The following KIF1B variants were observed in gnomAD, a reference collection of about 807,000 sequenced individuals.
The protein encoded by KIF1B is kinesin family member 1B.
In KIF1B, 76 loss-of-function variants were observed where a neutral mutation model predicts 241.9. That is an observed-to-expected ratio of 0.31 (90% CI 0.26 to 0.38). The LOEUF is 0.38. Among genes scored for constraint, KIF1B ranks in the 10% least tolerant of loss-of-function variants. The pLI is 1.00. For missense variants in KIF1B, 1,622 were observed against 2,271.4 expected (o/e 0.71, Z 5.81); for synonymous variants, 750 against 796.7 (o/e 0.94, Z 0.99).
intron 7 of KIF1B, among the ~76,000 whole-genome samples, chr1:10,269,291 G>A (rs1384172284): frequency 6.6e-6 from 1 of 152,132 alleles, no homozygotes; most frequent in South Asian, 2.1e-4. Flanking sequence ...AAGGCAGACA[G>A]ATCAAGAGGT....
At chr1:10,249,425 A>G (rs1179537060) in intron 2 of KIF1B, among the ~76,000 whole-genome samples, 1 of 152,114 alleles carries the variant, frequency 6.6e-6, no homozygotes, top group Non-Finnish European at 1.5e-5. Flanking sequence ...TGAAAATGGA[A>G]TTTAATCAGA....
intron 22 of KIF1B, among the ~76,000 whole-genome samples, chr1:10,310,639 A>C (rs2102281338): frequency 6.7e-6 from 1 of 148,586 alleles, no homozygotes; most frequent in Admixed American, 6.6e-5. Context: ...ATTTATCTAA[A>C]AGATCAGTAT....
intron 11 of KIF1B, 29 bp downstream of exon 11, chr1:10,275,532 A>G: frequency 8.3e-7 from 1 of 1,206,874 alleles, no homozygotes; most frequent in Non-Finnish European, 1.2e-6. Flanking sequence ...AAAAGTAGTT[A>G]TCTTTTTAAC....
intron 22 of KIF1B, among the ~76,000 whole-genome samples, chr1:10,300,264 T>TAATAA (rs1351664321): frequency 4.7e-5 from 7 of 148,570 alleles, no homozygotes; most frequent in Non-Finnish European, 8.9e-5. Context: ...ATAATAATAA[T>TAATAA]AATATAGATA....
At chr1:10,235,221 C>T (rs1239975879) in intron 2 of KIF1B, among the ~76,000 whole-genome samples, 3 of 151,882 alleles carry the variant, frequency 2.0e-5, no homozygotes, top group Admixed American at 6.6e-5. Context: ...AAAAAGTGAT[C>T]GAAGTGTTAA....
intron 38 of KIF1B, among the ~76,000 whole-genome samples, chr1:10,358,572 C>A (rs752508146): frequency 5.9e-5 from 9 of 151,588 alleles, no homozygotes; most frequent in Admixed American, 5.3e-4. Flanking sequence ...AAAGAGCAGA[C>A]CTCTGGAGGC....
chr1:10,235,676 C>T (rs1327430615), intron 2 of KIF1B, among the ~76,000 whole-genome samples: 2 of 151,812 alleles, frequency 1.3e-5, no homozygotes, highest in African/African-American at 4.8e-5. Context: ...GCCTGACCAA[C>T]ATGATGAAAC....
chr1:10,309,512 G>A (rs1650978964), intron 22 of KIF1B, among the ~76,000 whole-genome samples: 1 of 148,354 alleles, frequency 6.7e-6, no homozygotes, highest in Non-Finnish European at 1.5e-5. Context: ...TTTCCTTCCA[G>A]CTATTGCTTG....
intron 4 of KIF1B, among the ~76,000 whole-genome samples, chr1:10,260,062 C>T (rs1447239249): frequency 6.6e-6 from 1 of 152,050 alleles, no homozygotes; most frequent in African/African-American, 2.4e-5. Context: ...CATCATTAGT[C>T]GTTAGGTGCT....
At chr1:10,319,008 T>A (rs1038272817) in intron 22 of KIF1B, among the ~76,000 whole-genome samples, 4 of 152,094 alleles carry the variant, frequency 2.6e-5, no homozygotes, top group Non-Finnish European at 4.4e-5. Context: ...CTGAGAACCA[T>A]TTTTTGGCCC....
intron 22 of KIF1B, among the ~76,000 whole-genome samples, chr1:10,311,592 C>G (rs1651069033): frequency 1.3e-5 from 2 of 151,382 alleles, no homozygotes; most frequent in African/African-American, 4.9e-5. Flanking sequence ...CCCTCACCAC[C>G]AAAGCTGCTC....
intron 2 of KIF1B, among the ~76,000 whole-genome samples, chr1:10,254,793 C>T (rs1048259723): frequency 6.4e-5 from 9 of 140,150 alleles, no homozygotes; most frequent in African/African-American, 2.1e-4. Flanking sequence ...AGGAGAATGG[C>T]GTGAACCTGG....
chr1:10,226,514 G>A (rs1160936883), intron 1 of KIF1B, among the ~76,000 whole-genome samples: 1 of 152,106 alleles, frequency 6.6e-6, no homozygotes, highest in African/African-American at 2.4e-5. Flanking sequence ...GTCCTAGGTA[G>A]AACACAAAAG....
rs896518063 is a variant in KIF1B at position 10,282,526 on chromosome 1, G to A, written c.1427G>A (p.Arg476His). The change falls in exon 15 of 49, where the codon CGT (arginine) becomes CAT (histidine). Residue 476 changes from arginine (R) to histidine (H), a missense_variant. Arg to His is a conservative substitution (Grantham distance 29). This residue lies in a region of KIF1B where 57 missense variants were observed against 149.0 expected (regional missense o/e 0.38). Transcript: ENST00000676179. ...STPGGEEAIE[R>H]LKESEKIIAE... ...CCTGGAGGAGAGGAAGCTATTGAACGTTTAAAGGTAAGTAATAGTTCAGAC... is the reference window on the plus strand; with the variant it reads ...CCTGGAGGAGAGGAAGCTATTGAACATTTAAAGGTAAGTAATAGTTCAGAC... 20 of 1,612,740 alleles carry A rather than the reference G, an allele frequency of 1.2e-5. No individual in the cohort carries two copies. The highest frequency in any genetic ancestry group is 1.7e-5 in the Non-Finnish European group (20 of 1,178,870).
At chr1:10,358,186 T>C (rs528056784) in intron 38 of KIF1B, among the ~76,000 whole-genome samples, 15 of 151,940 alleles carry the variant, frequency 9.9e-5, no homozygotes, top group Admixed American at 5.2e-4. Context: ...AGGAAGACTT[T>C]AGTGGAGTCA....
At position 10,374,291 on chromosome 1, in the gene KIF1B, T is replaced by C. The variant is rs1557745900; in HGVS notation, c.4947-25T>C. The stretch of plus-strand genomic sequence containing the variant: ...GTAACTGATTCTCTTGTTACCCTTT[T>C]CTTTCTAATCTCTCTATTTTAAAGG... On this transcript the variant is annotated intron_variant, in intron 45 of 48. Coordinates refer to ENST00000676179, the MANE Select transcript of KIF1B (RefSeq NM_001365951.3). This position sits in a 1 kb window ranked among gnomAD's most constrained non-coding sequence, Gnocchi z 4.3. 6.2e-7 allele frequency: 1 copy of C among 1,611,542 alleles called. No individual in the cohort carries two copies. The highest frequency in any genetic ancestry group is 1.1e-5 in the South Asian group (1 of 91,030).
At chr1:10,308,147 G>A (rs1298859641) in intron 22 of KIF1B, 2 of 1,061,322 alleles carry the variant, frequency 1.9e-6, no homozygotes, top group Admixed American at 5.4e-5. Flanking sequence ...CTGGTCCTTT[G>A]TAGATTTGCC....
In KIF1B at chr1:10,296,946, G is replaced by A. The variant is rs138876135; in HGVS notation, c.1911G>A (p.Pro637=). ...GKNHVFRFNH[P]EQARAEREKT... The stretch of plus-strand genomic sequence containing the variant: ...ACCATGTTTTCCGCTTTAACCACCC[G>A]GAACAAGCACGAGCTGAGCGAGAGA... The change falls in exon 21 of 49, where the codon CCG becomes CCA. Residue 637 remains proline (P), a synonymous_variant. Coordinates refer to ENST00000676179, the MANE Select transcript of KIF1B (RefSeq NM_001365951.3). 22 of 1,613,968 alleles carry A rather than the reference G, an allele frequency of 1.4e-5. No homozygotes were observed. The highest frequency in any genetic ancestry group is 4.0e-5 in the African/African-American group (3 of 74,976).
At chr1:10,313,551 T>TC (rs1158891057) in intron 22 of KIF1B, among the ~76,000 whole-genome samples, 1 of 144,584 alleles carries the variant, frequency 6.9e-6, no homozygotes, top group Non-Finnish European at 1.5e-5. Flanking sequence ...AGTTAGGATT[T>TC]TTTTTTTTTT....
Sources: gnomAD v4.1 joint callset for allele counts (sites outside exome capture counted in the v4.1 genomes callset) on GRCh38, gnomAD v4.1.1 for gene constraint, gnomAD v4.1.1 regional missense constraint, Gnocchi (gnomAD v3.1) non-coding constraint, MANE v1.5 for transcripts, NCBI Gene and HGNC (gene_info 2026-07-23, HGNC 2026-07-21) for gene names.